Variants in KLHL13 observed in about 807,000 individuals in gnomAD.
KLHL13 encodes the protein kelch-like protein 13.
In KLHL13, 10 loss-of-function variants were observed where a neutral mutation model predicts 37.1. The ratio of observed to expected loss-of-function variants is 0.27; its 90% CI spans 0.17 to 0.46. The LOEUF is 0.46. Among genes scored for constraint, KLHL13 ranks in the 20% least tolerant of loss-of-function variants. KLHL13 has a pLI of 1.00. For missense variants in KLHL13, 360 were observed against 509.3 expected, an observed-to-expected ratio of 0.71 and a Z score of 2.82; for synonymous variants, 163 against 181.2, an observed-to-expected ratio of 0.90 and a Z score of 0.81.
intron 1 of KLHL13, among the ~76,000 whole-genome samples, chrX:117,982,556 C>T (rs911784497): frequency 8.9e-6 from 1 of 111,764 alleles, no homozygotes; most frequent in African/African-American, 3.3e-5. Flanking sequence ...GTTCTTTTCT[C>T]TATGCTGCAA....
chrX:117,943,082 T>C (rs1433729494), intron 2 of KLHL13, among the ~76,000 whole-genome samples: 2 of 111,525 alleles, frequency 1.8e-5, no homozygotes, highest in Non-Finnish European at 1.9e-5. Context: ...CCTTTGTTTA[T>C]GAAGCTTAGT....
At chrX:118,012,981 G>A (rs1212700058) in intron 1 of KLHL13, among the ~76,000 whole-genome samples, 1 of 111,734 alleles carries the variant, frequency 8.9e-6, no homozygotes, top group African/African-American at 3.3e-5. Context: ...CAGAGAAAAC[G>A]GTGGGATTAG....
At chrX:118,081,653 A>T (rs923037278) in intron 1 of KLHL13, among the ~76,000 whole-genome samples, 2 of 111,356 alleles carry the variant, frequency 1.8e-5, no homozygotes, top group African/African-American at 6.5e-5. Flanking sequence ...TGTTAACTAC[A>T]GTCACTCTAT....
intron 2 of KLHL13, among the ~76,000 whole-genome samples, chrX:117,924,341 GA>G (rs1931889424): frequency 8.9e-6 from 1 of 111,763 alleles, no homozygotes; most frequent in Non-Finnish European, 1.9e-5. Context: ...TACATTAAAA[GA>G]AAAAGAGAGA....
At chrX:117,916,020 C>T (rs758295024) in intron 4 of KLHL13, among the ~76,000 whole-genome samples, 3 of 111,481 alleles carry the variant, frequency 2.7e-5, no homozygotes, top group Non-Finnish European at 5.7e-5. Context: ...TAGCCAGGCA[C>T]AGTGGTGCAT....
chrX:118,055,620 G>A (rs1413870254), intron 1 of KLHL13, among the ~76,000 whole-genome samples: 1 of 111,625 alleles, frequency 9.0e-6, no homozygotes, highest in East Asian at 2.8e-4. Flanking sequence ...AAAAAATTCA[G>A]TAATAAAGAT....
At chrX:118,032,708 T>C (rs2054372292) in intron 1 of KLHL13, among the ~76,000 whole-genome samples, 1 of 112,103 alleles carries the variant, frequency 8.9e-6, no homozygotes, top group Non-Finnish European at 1.9e-5. Flanking sequence ...AGGAACGCAG[T>C]TCCTCACCAG....
intron 1 of KLHL13, among the ~76,000 whole-genome samples, chrX:118,032,846 C>T (rs184222963): frequency 1.6e-4 from 18 of 110,438 alleles, no homozygotes; most frequent in Non-Finnish European, 2.6e-4. Context: ...ACTTTGAAAA[C>T]AATTTAGAAG....
chrX:118,002,592 T>A (rs1251483225), intron 1 of KLHL13, among the ~76,000 whole-genome samples: 1 of 94,321 alleles, frequency 1.1e-5, no homozygotes, highest in Admixed American at 1.2e-4. Flanking sequence ...AAACTCTGTC[T>A]CGAAAATAAA....
chrX:118,025,634 G>A (rs1443857709), intron 1 of KLHL13, among the ~76,000 whole-genome samples: 1 of 111,873 alleles, frequency 8.9e-6, no homozygotes, highest in Non-Finnish European at 1.9e-5. Context: ...AAGTGAAAGG[G>A]TCAAAGTTCT....
At position 118,097,152 on chromosome X, in the gene KLHL13, G is replaced by A. The variant is rs1433845981; in HGVS notation, c.-56+19356C>T. Among the ~76,000 whole-genome samples the A allele has an allele frequency of 5.4e-5, 6 of 111,616 alleles. No individual in the cohort carries two copies. In the South Asian group the frequency reaches 2.3e-3, roughly 43 times the overall value. ...GGAAGTCAAATTGTCCCTGTTTGCA[G>A]ATGACATGATTATATATCTAGAAAA... On this transcript the variant is annotated intron_variant, in intron 1 of 6. Coordinates refer to the KLHL13 transcript ENST00000371882.
chrX:117,966,340 T>A (rs1412259717), intron 1 of KLHL13, among the ~76,000 whole-genome samples: 1 of 110,599 alleles, frequency 9.0e-6, no homozygotes, highest in South Asian at 3.9e-4. Flanking sequence ...TACCTAGGAA[T>A]CCAACTTACA....
intron 1 of KLHL13, among the ~76,000 whole-genome samples, chrX:118,009,002 T>G (rs914767059): frequency 2.7e-5 from 3 of 112,188 alleles, no homozygotes; most frequent in African/African-American, 6.5e-5. Context: ...CTATGAGTAC[T>G]GGGACTTCAA....
At chrX:118,107,682 G>A (rs533353823) in intron 1 of KLHL13, among the ~76,000 whole-genome samples, 2 of 111,673 alleles carry the variant, frequency 1.8e-5, no homozygotes, top group Non-Finnish European at 3.8e-5. Context: ...CCCAACAAAA[G>A]GCAGTCAGGA....
chrX:117,924,190 C>T (rs568566166), intron 2 of KLHL13, among the ~76,000 whole-genome samples: 1 of 112,018 alleles, frequency 8.9e-6, no homozygotes, highest in East Asian at 2.8e-4. Context: ...AAATTCTAAA[C>T]ATCTTGTTTG....
At chrX:117,902,298 C>T (rs987257640) in intron 5 of KLHL13, among the ~76,000 whole-genome samples, 11 of 111,054 alleles carry the variant, frequency 9.9e-5, no homozygotes, top group African/African-American at 3.3e-4. Context: ...TGAAAAAAAT[C>T]AAAAGAAATG....
At chrX:118,047,771 G>A (rs949147941) in intron 1 of KLHL13, among the ~76,000 whole-genome samples, 4 of 111,690 alleles carry the variant, frequency 3.6e-5, no homozygotes, top group African/African-American at 1.3e-4. Flanking sequence ...AGATGGGAGA[G>A]ATGTTTACTT....
intron 1 of KLHL13, among the ~76,000 whole-genome samples, chrX:118,094,614 G>GA (rs1389038239): frequency 9.1e-6 from 1 of 110,221 alleles, no homozygotes. Flanking sequence ...TGAAATGAAG[G>GA]AAAAAATGTT....
chrX:118,007,239 A>G (rs2053994816), intron 1 of KLHL13, among the ~76,000 whole-genome samples: 1 of 108,969 alleles, frequency 9.2e-6, no homozygotes, highest in African/African-American at 3.3e-5. Flanking sequence ...GCGAGACCCC[A>G]TCTCTACAAA....
Sources: gnomAD v4.1 joint callset for allele counts (sites outside exome capture counted in the v4.1 genomes callset) on GRCh38, gnomAD v4.1.1 for gene constraint, MANE v1.5 for transcripts, NCBI Gene and HGNC (gene_info 2026-07-23, HGNC 2026-07-21) for gene names.